Variants in HTR7 observed in about 807,000 individuals in gnomAD.
HTR7 encodes the protein 5-HT-7.
A neutral mutation model predicts 34.0 loss-of-function variants in HTR7; 16 were observed. The ratio of observed to expected loss-of-function variants is 0.47; its 90% CI spans 0.32 to 0.71. The LOEUF is 0.71. Ranked by LOEUF, HTR7 falls within the 30% of genes least tolerant of loss-of-function variation. HTR7 has a pLI of 0.04. For synonymous variants in HTR7, 265 were observed against 260.2 expected, an observed-to-expected ratio of 1.02 and a Z score of -0.18; for missense variants, 504 against 625.5, an observed-to-expected ratio of 0.81 and a Z score of 2.07.
chr10:90,792,737 A>C (rs1845478118), intron 1 of HTR7, among the ~76,000 whole-genome samples: 1 of 152,136 alleles, frequency 6.6e-6, no homozygotes, highest in African/African-American at 2.4e-5. Flanking sequence ...GGAAAGGCTT[A>C]TCTAATAAGG....
chr10:90,803,896 C>A (rs982494973), intron 1 of HTR7, among the ~76,000 whole-genome samples: 4 of 152,142 alleles, frequency 2.6e-5, no homozygotes, highest in African/African-American at 9.7e-5. Context: ...GTGCCTGTGG[C>A]CCTAAATGAG....
chr10:90,749,051 G>A lies in HTR7; in HGVS notation c.1083C>T (p.Ile361=), dbSNP rs1471320395. 1 of 1,614,056 alleles carries A rather than the reference G, an allele frequency of 6.2e-7. No homozygotes were observed. Among genetic ancestry groups the A allele is most frequent in the South Asian group, 1.1e-5 (1 of 91,056 alleles). ...GAAATGTCCTCTCCACCCACAGTGG[G>A]ATGCAGCTGCAGGAAGTGCCACAGA... is the stretch of plus-strand genomic sequence containing the variant. ...PFICGTSCSC[I]PLWVERTFLW... The change falls in exon 2 of 4, where the codon ATC becomes ATT. Residue 361 remains isoleucine (I), a synonymous_variant. Coordinates refer to ENST00000336152, the MANE Select transcript of HTR7 (RefSeq NM_019859.4). This position sits in a 1 kb window ranked among gnomAD's most constrained non-coding sequence, Gnocchi z 4.2.
At chr10:90,821,134 GCACACACACA>G (rs3035231) in intron 1 of HTR7, among the ~76,000 whole-genome samples, 1 of 150,204 alleles carries the variant, frequency 6.7e-6, no homozygotes. Context: ...ACACACACAT[GCACACACACA>G]CACACACACA....
intron 1 of HTR7, among the ~76,000 whole-genome samples, chr10:90,838,588 C>T (rs950006683): frequency 4.6e-5 from 7 of 152,214 alleles, no homozygotes; most frequent in Admixed American, 6.5e-5. Context: ...AGTGGTTCTG[C>T]CGCACTTAGA....
chr10:90,839,010 C>G (rs11597471), intron 1 of HTR7, among the ~76,000 whole-genome samples: 57,591 of 152,062 alleles, frequency 0.38, 11,983 homozygotes, highest in African/African-American at 0.56. Context: ...ATAAGGAAGA[C>G]TAACCAACAT....
At chr10:90,782,199 C>G (rs1293122387) in intron 1 of HTR7, among the ~76,000 whole-genome samples, 1 of 152,204 alleles carries the variant, frequency 6.6e-6, no homozygotes. Context: ...GGATACGACA[C>G]TGGCTGCTCT....
intron 1 of HTR7, among the ~76,000 whole-genome samples, chr10:90,790,997 T>C (rs1413748233): frequency 6.6e-6 from 1 of 152,096 alleles, no homozygotes; most frequent in African/African-American, 2.4e-5. Context: ...TCTCACAAAT[T>C]TGAACTAATA....
intron 1 of HTR7, among the ~76,000 whole-genome samples, chr10:90,799,489 C>A (rs1356508573): frequency 6.6e-6 from 1 of 152,078 alleles, no homozygotes; most frequent in Non-Finnish European, 1.5e-5. Context: ...AGATCAAAAC[C>A]CCTAACAGCC....
chr10:90,800,626 G>A (rs531287122), intron 1 of HTR7, among the ~76,000 whole-genome samples: 13 of 151,270 alleles, frequency 8.6e-5, no homozygotes, highest in Admixed American at 2.6e-4. Flanking sequence ...TCCTTGAGAC[G>A]TGTTTTCTCT....
In HTR7 at chr10:90,857,099, G is replaced by A. The variant is rs1378366572; in HGVS notation, c.539+34C>T. The A allele has an allele frequency of 3.3e-6, 5 of 1,501,742 alleles. No individual in the cohort carries two copies. Among genetic ancestry groups the A allele is most frequent in the Non-Finnish European group, 4.5e-6 (5 of 1,120,708 alleles). 93.0% of individuals were successfully genotyped at this position (1,501,742 alleles called of 1,614,324 possible). On this transcript the variant is annotated intron_variant, in intron 1 of 3. Transcript: ENST00000336152. The surrounding 1 kb of genome is among the most constrained non-coding windows in gnomAD (Gnocchi z 6.5). The stretch of plus-strand genomic sequence containing the variant: ...GGGCTGAGCTGCCAGCCGGTCCCCA[G>A]CCGGAGCCTGGGACGGGGCGGTCCG...
At chr10:90,837,253 T>C (rs1222041318) in intron 1 of HTR7, among the ~76,000 whole-genome samples, 1 of 152,232 alleles carries the variant, frequency 6.6e-6, no homozygotes, top group Non-Finnish European at 1.5e-5. Flanking sequence ...CTAAAATGTG[T>C]TTAAGTATTT....
At chr10:90,813,134 G>A (rs886366777) in intron 1 of HTR7, among the ~76,000 whole-genome samples, 4 of 149,890 alleles carry the variant, frequency 2.7e-5, no homozygotes, top group East Asian at 2.0e-4. Context: ...CTTATAAAAC[G>A]GCCCCACCCC....
At chr10:90,774,035 A>T (rs1845164341) in intron 1 of HTR7, among the ~76,000 whole-genome samples, 1 of 152,098 alleles carries the variant, frequency 6.6e-6, no homozygotes, top group South Asian at 2.1e-4. Flanking sequence ...CTGTTCAGTT[A>T]GGTCCTTTCC....
At chr10:90,758,675 A>G (rs1441717660) in intron 1 of HTR7, among the ~76,000 whole-genome samples, 1 of 152,172 alleles carries the variant, frequency 6.6e-6, no homozygotes, top group African/African-American at 2.4e-5. Flanking sequence ...AAAAGGACAC[A>G]TAACATAGTT....
intron 1 of HTR7, among the ~76,000 whole-genome samples, chr10:90,755,780 T>C (rs1844825637): frequency 6.6e-6 from 1 of 152,234 alleles, no homozygotes; most frequent in African/African-American, 2.4e-5. Flanking sequence ...CTGGTGGGAA[T>C]GTAAACTGAT....
intron 1 of HTR7, among the ~76,000 whole-genome samples, chr10:90,781,763 C>G (rs1313066668): frequency 6.6e-6 from 1 of 152,194 alleles, no homozygotes; most frequent in Admixed American, 6.5e-5. Flanking sequence ...AGATTTTCTA[C>G]ATCAAAATCT....
intron 1 of HTR7, among the ~76,000 whole-genome samples, chr10:90,760,489 G>T (rs1018468649): frequency 1.3e-5 from 2 of 152,144 alleles, no homozygotes; most frequent in East Asian, 1.9e-4. Flanking sequence ...TAGAAGGAGG[G>T]TATCGAAAAT....
intron 1 of HTR7, among the ~76,000 whole-genome samples, chr10:90,838,723 G>C (rs1006536239): frequency 6.6e-6 from 1 of 152,094 alleles, no homozygotes; most frequent in Non-Finnish European, 1.5e-5. Context: ...GGGCCTTTCT[G>C]CCAGCTGCTG....
chr10:90,760,319 A>T (rs1308872979), intron 1 of HTR7, among the ~76,000 whole-genome samples: 1 of 152,210 alleles, frequency 6.6e-6, no homozygotes, highest in African/African-American at 2.4e-5. Context: ...AAAAAGGAGG[A>T]CAGAGGATAA....
Sources: allele counts gnomAD v4.1 joint callset (sites outside exome capture counted in the v4.1 genomes callset), GRCh38; gene constraint gnomAD v4.1.1; non-coding constraint Gnocchi (gnomAD v3.1); transcripts MANE v1.5; gene names NCBI Gene and HGNC (gene_info 2026-07-23, HGNC 2026-07-21).